CMIP: variants seen among roughly 807,000 people sequenced by gnomAD.
CMIP encodes the protein c-Maf inducing protein, also known as C-Maf-inducing protein.
A neutral mutation model predicts 97.3 loss-of-function variants in CMIP; 13 were observed. That is an observed-to-expected ratio of 0.13 (90% CI 0.09 to 0.21). The LOEUF (loss-of-function observed/expected upper bound fraction) is 0.21, where lower values mean the gene tolerates loss of function less well. Ranked by LOEUF, CMIP falls within the 10% of genes least tolerant of loss-of-function variation. The pLI, the probability that CMIP is intolerant of heterozygous loss-of-function variation, is 1.00. For missense variants in CMIP, 847 were observed against 1,024.9 expected (o/e 0.83, Z 2.37); for synonymous variants, 538 against 436.3 (o/e 1.23, Z -2.91).
chr16:81,505,666 A>C (rs2089695613), intron 1 of CMIP, among the ~76,000 whole-genome samples: 1 of 152,182 alleles, frequency 6.6e-6, no homozygotes, highest in Non-Finnish European at 1.5e-5. Context: ...TCTCTCTTTG[A>C]GTCTCTCCTC....
chr16:81,688,541 G>A (rs1260877858), intron 10 of CMIP, among the ~76,000 whole-genome samples: 1 of 152,202 alleles, frequency 6.6e-6, no homozygotes, highest in Non-Finnish European at 1.5e-5. Flanking sequence ...TTGTGCTCTT[G>A]TAAAGAGTAA....
At chr16:81,500,272 G>GTCCGTCCTTCCTTCCTTCCT (rs1567546095) in intron 1 of CMIP, among the ~76,000 whole-genome samples, 99 of 64,810 alleles carry the variant, frequency 1.5e-3, no homozygotes, top group Non-Finnish European at 1.8e-3. Flanking sequence ...CCTTCCTTCC[G>GTCCGTCCTTCCTTCCTTCCT]TCCTTCCTTC....
At chr16:81,556,934 G>T (rs556375079) in intron 1 of CMIP, among the ~76,000 whole-genome samples, 1 of 152,328 alleles carries the variant, frequency 6.6e-6, no homozygotes, top group South Asian at 2.1e-4. Flanking sequence ...AAGGAGGCGC[G>T]ATGACTCAAT....
Position 81,707,106 on chromosome 16 carries a change from A to G in CMIP, c.2268+22A>G, listed in dbSNP as rs1279549246. On this transcript the variant is annotated intron_variant, in intron 20 of 20. Coordinates refer to ENST00000537098, the MANE Select transcript of CMIP (RefSeq NM_198390.3). ...GAAGGTAATTCCCTCCTTCCTCCCC[A>G]CTCTCCTCCCCTCCTTCTTCTAGCC... 3.8e-6 allele frequency: 6 copies of G among 1,598,404 alleles called. No homozygotes were observed. The African/African-American group carries it at 4.1e-5, about 11-fold the overall frequency.
At chr16:81,628,492 C>G (rs974119536) in intron 3 of CMIP, among the ~76,000 whole-genome samples, 2 of 152,222 alleles carry the variant, frequency 1.3e-5, no homozygotes, top group Non-Finnish European at 2.9e-5. Context: ...GAGGAGGTGC[C>G]TGTTCCTCCT....
chr16:81,685,559 C>G (rs1035108636), intron 10 of CMIP, among the ~76,000 whole-genome samples: 2 of 152,114 alleles, frequency 1.3e-5, no homozygotes, highest in African/African-American at 2.4e-5. Flanking sequence ...GCTCCCCTCC[C>G]TTTCATTTTT....
At chr16:81,483,461 A>C (rs1567538064) in intron 1 of CMIP, among the ~76,000 whole-genome samples, 1 of 152,186 alleles carries the variant, frequency 6.6e-6, no homozygotes, top group African/African-American at 2.4e-5. Context: ...TTGGCCGTTA[A>C]CTCTGAGGGA....
intron 1 of CMIP, among the ~76,000 whole-genome samples, chr16:81,590,207 G>A (rs564395944): frequency 2.6e-5 from 4 of 152,228 alleles, no homozygotes; most frequent in East Asian, 1.9e-4. Context: ...TCTGCTCGTC[G>A]GACAAAAACA....
At chr16:81,605,295 G>A (rs1322430662) in intron 1 of CMIP, among the ~76,000 whole-genome samples, 3 of 152,174 alleles carry the variant, frequency 2.0e-5, no homozygotes, top group Admixed American at 6.5e-5. Flanking sequence ...GCCGGGATTG[G>A]GGGCCAGGGG....
At chr16:81,458,134 T>G (rs984018646) in intron 1 of CMIP, among the ~76,000 whole-genome samples, 3 of 152,132 alleles carry the variant, frequency 2.0e-5, no homozygotes, top group African/African-American at 7.2e-5. Flanking sequence ...AGCAGGTTTT[T>G]GGGGGAGATG....
rs1184532009 is a variant in CMIP at position 81,614,317 on chromosome 16, T to C, written c.427-6559T>C. Among the ~76,000 whole-genome samples, 1 of 152,182 alleles carries C rather than the reference T, an allele frequency of 6.6e-6. No individual in the cohort carries two copies. Among genetic ancestry groups the C allele is most frequent in the Admixed American group, 6.5e-5 (1 of 15,284 alleles). Reference sequence around the variant, plus strand: ...GAAGCGGCACGGCATTGTTTCTAACTTGTGCTGTGTGTCCACCATGGGCCA... The same window carrying C: ...GAAGCGGCACGGCATTGTTTCTAACCTGTGCTGTGTGTCCACCATGGGCCA... On this transcript the variant is annotated intron_variant, in intron 2 of 20. Coordinates refer to ENST00000537098, the MANE Select transcript of CMIP (RefSeq NM_198390.3). This position sits in a 1 kb window ranked among gnomAD's most constrained non-coding sequence, Gnocchi z 5.3.
intron 1 of CMIP, among the ~76,000 whole-genome samples, chr16:81,575,382 C>T (rs2091170827): frequency 6.6e-6 from 1 of 152,160 alleles, no homozygotes; most frequent in Admixed American, 6.5e-5. Flanking sequence ...GAGACGACTA[C>T]AAAGCTGTCA....
chr16:81,608,501 G>C (rs1252810946), intron 2 of CMIP, among the ~76,000 whole-genome samples: 1 of 151,904 alleles, frequency 6.6e-6, no homozygotes, highest in African/African-American at 2.4e-5. Context: ...TTTCTTTCCA[G>C]TACCTTTTAC....
At chr16:81,578,304 AAGTG>A (rs1189251955) in intron 1 of CMIP, among the ~76,000 whole-genome samples, 1 of 152,208 alleles carries the variant, frequency 6.6e-6, no homozygotes, top group African/African-American at 2.4e-5. Flanking sequence ...ATTTAACTAA[AAGTG>A]AGAGACACTG....
At chr16:81,605,507 G>A (rs1252693466) in intron 1 of CMIP, among the ~76,000 whole-genome samples, 1 of 152,206 alleles carries the variant, frequency 6.6e-6, no homozygotes, top group Non-Finnish European at 1.5e-5. Context: ...TAAAGCTCCT[G>A]CAAACCCCTG....
intron 13 of CMIP, chr16:81,695,503 C>T (rs2873480): frequency 0.23 from 35,594 of 152,136 alleles, 4,294 homozygotes; most frequent in African/African-American, 0.25. Flanking sequence ...GGCAGCCAAT[C>T]GTCCTTTCCT....
At chr16:81,635,502 A>C (rs1360010536) in intron 3 of CMIP, among the ~76,000 whole-genome samples, 1 of 152,216 alleles carries the variant, frequency 6.6e-6, no homozygotes, top group Non-Finnish European at 1.5e-5. Flanking sequence ...AGGTGTTAGG[A>C]GGGAAAAGCC....
intron 19 of CMIP, 37 bp from the exon 20 acceptor site, chr16:81,706,977 C>G (rs140113594): frequency 1.1e-5 from 17 of 1,594,338 alleles, no homozygotes; most frequent in Middle Eastern, 1.7e-4. Flanking sequence ...CCTTTGGGGC[C>G]TCGCTCTCCT....
chr16:81,566,132 G>C (rs932321865), intron 1 of CMIP, among the ~76,000 whole-genome samples: 1 of 152,238 alleles, frequency 6.6e-6, no homozygotes, highest in African/African-American at 2.4e-5. Context: ...GACAGTCCAG[G>C]GGAGACAGAG....
Sources: allele counts gnomAD v4.1 joint callset (sites outside exome capture counted in the v4.1 genomes callset), GRCh38; gene constraint gnomAD v4.1.1; non-coding constraint Gnocchi (gnomAD v3.1); transcripts MANE v1.5; gene names NCBI Gene and HGNC (gene_info 2026-07-23, HGNC 2026-07-21).